DPYD: variants seen among roughly 807,000 people sequenced by gnomAD.
DPYD encodes the protein dihydropyrimidine dehydrogenase.
DPYD carries 109 observed loss-of-function variants against 116.2 expected under a neutral mutation model. That is an observed-to-expected ratio of 0.94 (90% confidence interval 0.80 to 1.10). The LOEUF (loss-of-function observed/expected upper bound fraction) is 1.10. Among genes scored for constraint, DPYD ranks in the 50% least tolerant of loss-of-function variants. The pLI, the probability that DPYD is intolerant of heterozygous loss-of-function variation, is 0.00. For synonymous variants in DPYD, 440 were observed against 432.0 expected, an observed-to-expected ratio of 1.02 and a Z score of -0.23; for missense variants, 1,302 against 1,254.5, an observed-to-expected ratio of 1.04 and a Z score of -0.57.
At chr1:97,495,395 A>T (rs1229779418) in intron 13 of DPYD, among the ~76,000 whole-genome samples, 1 of 152,170 alleles carries the variant, frequency 6.6e-6, no homozygotes, top group African/African-American at 2.4e-5. Flanking sequence ...CCCTTCATTG[A>T]AAGTTAAAAG....
intron 14 of DPYD, among the ~76,000 whole-genome samples, chr1:97,437,919 T>C (rs1214300265): frequency 6.6e-6 from 1 of 152,018 alleles, no homozygotes; most frequent in East Asian, 1.9e-4. Flanking sequence ...GAGATCTGAA[T>C]CAAGGCTTAC....
chr1:97,145,196 GA>G (rs1211343946), intron 20 of DPYD, among the ~76,000 whole-genome samples: 1 of 152,116 alleles, frequency 6.6e-6, no homozygotes, highest in African/African-American at 2.4e-5. Context: ...TCTAATGGTT[GA>G]TTTTTTTTCT....
chr1:97,337,244 G>A (rs575435598), intron 16 of DPYD, among the ~76,000 whole-genome samples: 36 of 152,162 alleles, frequency 2.4e-4, no homozygotes, highest in Non-Finnish European at 4.9e-4. Context: ...AAGTTGATGA[G>A]GCTCAGATTA....
At chr1:97,226,753 T>C (rs1661195280) in intron 19 of DPYD, among the ~76,000 whole-genome samples, 1 of 152,156 alleles carries the variant, frequency 6.6e-6, no homozygotes, top group Non-Finnish European at 1.5e-5. Flanking sequence ...AGATACCCTA[T>C]GTTCAAGGAC....
chr1:97,448,260 T>C (rs1292596418), intron 14 of DPYD, among the ~76,000 whole-genome samples: 1 of 152,140 alleles, frequency 6.6e-6, no homozygotes, highest in Non-Finnish European at 1.5e-5. Flanking sequence ...CATAGGCAAA[T>C]GCACTGGATC....
At chr1:97,212,486 T>A (rs1337388993) in intron 19 of DPYD, among the ~76,000 whole-genome samples, 1 of 152,246 alleles carries the variant, frequency 6.6e-6, no homozygotes, top group East Asian at 1.9e-4. Flanking sequence ...GGATTTAGAC[T>A]GTGTCCAGTT....
At chr1:97,624,058 T>C (rs75162484) in intron 8 of DPYD, among the ~76,000 whole-genome samples, 1,790 of 152,058 alleles carry the variant, frequency 0.012, 20 homozygotes, top group Middle Eastern at 0.024. Context: ...TACATGACAT[T>C]GGTCTGGGAA....
intron 11 of DPYD, among the ~76,000 whole-genome samples, chr1:97,571,494 C>T (rs986054604): frequency 2.0e-5 from 3 of 151,864 alleles, no homozygotes; most frequent in African/African-American, 7.2e-5. Flanking sequence ...AAGGATGTCA[C>T]TGCATTTGGC....
At chr1:97,551,284 G>A (rs569449010) in intron 11 of DPYD, among the ~76,000 whole-genome samples, 6 of 152,130 alleles carry the variant, frequency 3.9e-5, no homozygotes, top group Non-Finnish European at 8.8e-5. Context: ...AAGGTCACAT[G>A]AAAAGAGATC....
At chr1:97,161,347 C>A (rs1239479253) in intron 20 of DPYD, among the ~76,000 whole-genome samples, 3 of 152,006 alleles carry the variant, frequency 2.0e-5, no homozygotes, top group Non-Finnish European at 4.4e-5. Flanking sequence ...GCAATGCAAC[C>A]CATCATTCTA....
chr1:97,662,720 C>A (rs957465559), intron 8 of DPYD, among the ~76,000 whole-genome samples: 2 of 152,048 alleles, frequency 1.3e-5, no homozygotes, highest in African/African-American at 4.8e-5. Flanking sequence ...CATGAAAATC[C>A]CTCTAGCCAC....
At position 97,677,198 on chromosome 1, in the gene DPYD, G is replaced by A. The variant is rs12046864; in HGVS notation, c.850+1897C>T. ...CACATTTTTGGAATAATTTGCTTAT[G>A]TAATTAATTTGGATATTTCAATGTA... On this transcript the variant is annotated intron_variant, in intron 8 of 22. Transcript: ENST00000370192. Among the ~76,000 whole-genome samples the A allele has an allele frequency of 3.8e-4, 58 of 152,212 alleles. No individual in the cohort carries two copies. The East Asian group carries it at 0.01, about 27-fold the overall frequency.
At chr1:97,253,982 A>T (rs1034254274) in intron 18 of DPYD, among the ~76,000 whole-genome samples, 1 of 152,176 alleles carries the variant, frequency 6.6e-6, no homozygotes, top group Admixed American at 6.5e-5. Flanking sequence ...CAATAACAAT[A>T]ACTATCCTTT....
In DPYD at chr1:97,632,949, A is replaced by C. The variant is rs894245900; in HGVS notation, c.851-37783T>G. Among the ~76,000 whole-genome samples the C allele has an allele frequency of 3.3e-5, 5 of 152,130 alleles. No homozygotes were observed. In the East Asian group the frequency reaches 9.7e-4, roughly 29 times the overall value. ...ATAGAGCCAACATTCACATTACTAA[A>C]TAAAATGTCCCTGGCTTCTCTCCAA... On this transcript the variant is annotated intron_variant, in intron 8 of 22. Coordinates refer to ENST00000370192, the MANE Select transcript of DPYD (RefSeq NM_000110.4).
chr1:97,187,008 T>A (rs1384613972), intron 20 of DPYD, among the ~76,000 whole-genome samples: 1 of 152,192 alleles, frequency 6.6e-6, no homozygotes, highest in Non-Finnish European at 1.5e-5. Context: ...TTATTCCATA[T>A]CTTTGCTATC....
intron 13 of DPYD, among the ~76,000 whole-genome samples, chr1:97,501,765 T>G (rs1261077743): frequency 6.6e-6 from 1 of 152,042 alleles, no homozygotes; most frequent in African/African-American, 2.4e-5. Flanking sequence ...TGATAAAAAG[T>G]GCTCTGGGGT....
At chr1:97,753,382 T>C (rs1326052955) in intron 3 of DPYD, among the ~76,000 whole-genome samples, 2 of 152,182 alleles carry the variant, frequency 1.3e-5, no homozygotes, top group Non-Finnish European at 2.9e-5. Context: ...GAACAGAGTA[T>C]GGTGACATCA....
chr1:97,304,811 T>C (rs575981691), intron 18 of DPYD, among the ~76,000 whole-genome samples: 2 of 152,100 alleles, frequency 1.3e-5, no homozygotes, highest in East Asian at 3.9e-4. Flanking sequence ...AGCTGATGCT[T>C]AATTCAGTGT....
intron 13 of DPYD, among the ~76,000 whole-genome samples, chr1:97,490,651 G>T (rs1355960836): frequency 2.0e-5 from 3 of 151,016 alleles, no homozygotes; most frequent in Non-Finnish European, 4.4e-5. Flanking sequence ...GTACATCTGG[G>T]CCCCCACCAG....
Sources: gnomAD v4.1 joint callset for allele counts (sites outside exome capture counted in the v4.1 genomes callset) on GRCh38, gnomAD v4.1.1 for gene constraint, MANE v1.5 for transcripts, NCBI Gene and HGNC (gene_info 2026-07-23, HGNC 2026-07-21) for gene names.